DYNC1I1: variants seen among roughly 807,000 people sequenced by gnomAD.
The protein encoded by DYNC1I1 is dynein cytoplasmic 1 intermediate chain 1.
A neutral mutation model predicts 86.6 loss-of-function variants in DYNC1I1; 43 were observed. The observed-to-expected ratio is 0.50, with a 90% CI of 0.39 to 0.64. The LOEUF (loss-of-function observed/expected upper bound fraction) is 0.64. Ranked by LOEUF, DYNC1I1 falls within the 30% of genes least tolerant of loss-of-function variation. The pLI is 0.00. For synonymous variants in DYNC1I1, 262 were observed against 283.7 expected, an observed-to-expected ratio of 0.92 and a Z score of 0.77; for missense variants, 604 against 788.8, an observed-to-expected ratio of 0.77 and a Z score of 2.81.
In DYNC1I1 at chr7:95,987,164, T is replaced by C; in HGVS notation, c.843+9T>C. On this transcript the variant is annotated intron_variant, in intron 9 of 16. Coordinates refer to ENST00000447467, the MANE Select transcript of DYNC1I1 (RefSeq NM_001135556.2). Reference sequence around the variant, plus strand: ...TGGACTGGTCCCTCCAGGTAAGAATTATTGCTGGGCTGGGACAAACTGGGC... The same window carrying C: ...TGGACTGGTCCCTCCAGGTAAGAATCATTGCTGGGCTGGGACAAACTGGGC... 1 of 1,610,790 alleles carries C rather than the reference T, an allele frequency of 6.2e-7. No homozygotes were observed. Among genetic ancestry groups the C allele is most frequent in the Non-Finnish European group, 8.5e-7 (1 of 1,177,458 alleles).
At chr7:95,844,856 C>A (rs1789384558) in intron 5 of DYNC1I1, among the ~76,000 whole-genome samples, 1 of 152,158 alleles carries the variant, frequency 6.6e-6, no homozygotes, top group Non-Finnish European at 1.5e-5. Context: ...AGAATAATGG[C>A]TGGTAATCGT....
At chr7:96,026,823 C>G (rs2115953644) in intron 10 of DYNC1I1, among the ~76,000 whole-genome samples, 1 of 152,242 alleles carries the variant, frequency 6.6e-6, no homozygotes, top group Non-Finnish European at 1.5e-5. Context: ...CCAGCCTCCT[C>G]TCCCCCTCCC....
intron 5 of DYNC1I1, among the ~76,000 whole-genome samples, chr7:95,866,172 C>T (rs146211693): frequency 2.6e-5 from 4 of 152,242 alleles, no homozygotes; most frequent in East Asian, 1.9e-4. Context: ...TATGAAAGGA[C>T]GACACCTTCT....
At chr7:96,077,094 A>G (rs2116251454) in intron 15 of DYNC1I1, among the ~76,000 whole-genome samples, 1 of 152,266 alleles carries the variant, frequency 6.6e-6, no homozygotes, top group African/African-American at 2.4e-5. Context: ...ATGGACAGGT[A>G]AGAGGAACAA....
intron 14 of DYNC1I1, among the ~76,000 whole-genome samples, chr7:96,060,496 C>T (rs1789733037): frequency 6.6e-6 from 1 of 152,210 alleles, no homozygotes; most frequent in Admixed American, 6.5e-5. Context: ...GAAAACCTTG[C>T]TCTCACAGAG....
At chr7:96,093,468 T>C (rs1790905655) in intron 16 of DYNC1I1, among the ~76,000 whole-genome samples, 1 of 152,190 alleles carries the variant, frequency 6.6e-6, no homozygotes, top group Admixed American at 6.5e-5. Flanking sequence ...GCTGTAAAAA[T>C]GGGATTGTAT....
downstream of DYNC1I1, among the ~76,000 whole-genome samples, chr7:96,102,213 T>G (rs779672741): frequency 3.3e-5 from 5 of 152,172 alleles, no homozygotes; most frequent in South Asian, 6.2e-4. Context: ...AATTTTGCCT[T>G]GGGGCTATGC....
chr7:95,898,821 T>A (rs759799168), intron 6 of DYNC1I1, among the ~76,000 whole-genome samples: 30 of 152,298 alleles, frequency 2.0e-4, no homozygotes, highest in Non-Finnish European at 4.1e-4. Flanking sequence ...GTTGATTAAG[T>A]TTAATGCCCT....
At chr7:95,851,496 G>C (rs1789577834) in intron 5 of DYNC1I1, among the ~76,000 whole-genome samples, 1 of 151,732 alleles carries the variant, frequency 6.6e-6, no homozygotes, top group African/African-American at 2.4e-5. Context: ...GCAAAACCTT[G>C]GATAAAGAGG....
intron 5 of DYNC1I1, among the ~76,000 whole-genome samples, chr7:95,832,735 T>C (rs1788947700): frequency 6.6e-6 from 1 of 152,040 alleles, no homozygotes; most frequent in African/African-American, 2.4e-5. Flanking sequence ...ATGAGCATTT[T>C]TTCATGTGTT....
Position 96,106,220 on chromosome 7 carries a change from T to C in DYNC1I1, c.1543-3759T>C, listed in dbSNP as rs561924716. Among the ~76,000 whole-genome samples the C allele has an allele frequency of 2.3e-3, 343 of 152,208 alleles. 2 individuals carry two copies. Among genetic ancestry groups the C allele is most frequent in the Non-Finnish European group, 3.2e-3 (220 of 68,000 alleles). On this transcript the variant is annotated intron_variant, in intron 16 of 16. Coordinates refer to the DYNC1I1 transcript ENST00000537881. ...ATTGATTTAACACTTTTTTCTAATA[T>C]AGGCCTTTGAAGTTTTAAAAATCCC...
chr7:95,971,187 A>C (rs1793160715), intron 6 of DYNC1I1, among the ~76,000 whole-genome samples: 1 of 152,186 alleles, frequency 6.6e-6, no homozygotes, highest in Non-Finnish European at 1.5e-5. Flanking sequence ...GGCTGGAGAA[A>C]TCAACTTATA....
intron 4 of DYNC1I1, among the ~76,000 whole-genome samples, chr7:95,819,620 G>A (rs987127273): frequency 1.3e-5 from 2 of 151,998 alleles, no homozygotes; most frequent in African/African-American, 2.4e-5. Context: ...CAAGATTATG[G>A]GGGAAATTTA....
At chr7:95,977,123 C>A (rs1793325550) in intron 6 of DYNC1I1, among the ~76,000 whole-genome samples, 1 of 152,188 alleles carries the variant, frequency 6.6e-6, no homozygotes, top group African/African-American at 2.4e-5. Context: ...GGAAATGAGT[C>A]ATCTGTACAA....
At chr7:95,968,633 G>T (rs1342246990) in intron 6 of DYNC1I1, among the ~76,000 whole-genome samples, 4 of 152,088 alleles carry the variant, frequency 2.6e-5, no homozygotes, top group Non-Finnish European at 4.4e-5. Flanking sequence ...CACAAGCAAG[G>T]TTCCCACCAA....
At chr7:95,844,841 C>T (rs1020218446) in intron 5 of DYNC1I1, among the ~76,000 whole-genome samples, 2 of 152,108 alleles carry the variant, frequency 1.3e-5, no homozygotes, top group Admixed American at 1.3e-4. Context: ...AATCTTGTGA[C>T]CTCCAGAATA....
intron 1 of DYNC1I1, among the ~76,000 whole-genome samples, chr7:95,776,419 C>G (rs1036439463): frequency 6.6e-6 from 1 of 152,114 alleles, no homozygotes; most frequent in Non-Finnish European, 1.5e-5. Context: ...CCCATAGATA[C>G]TGTAAAAGGG....
At chr7:95,829,339 G>T (rs775406112) in intron 5 of DYNC1I1, among the ~76,000 whole-genome samples, 4 of 152,080 alleles carry the variant, frequency 2.6e-5, no homozygotes, top group Non-Finnish European at 5.9e-5. Context: ...CTAACATTTA[G>T]GTAACCGATG....
At chr7:95,933,405 G>A (rs562042200) in intron 6 of DYNC1I1, among the ~76,000 whole-genome samples, 2 of 152,252 alleles carry the variant, frequency 1.3e-5, no homozygotes, top group Non-Finnish European at 2.9e-5. Context: ...AGCAGCCTCA[G>A]ATGAAGCCAT....
Sources: allele counts gnomAD v4.1 joint callset (sites outside exome capture counted in the v4.1 genomes callset), GRCh38; gene constraint gnomAD v4.1.1; transcripts MANE v1.5; gene names NCBI Gene and HGNC (gene_info 2026-07-23, HGNC 2026-07-21).